TRIM2: variants seen among roughly 807,000 people sequenced by gnomAD.
TRIM2 encodes the protein tripartite motif containing 2.
TRIM2 carries 20 observed loss-of-function variants against 75.2 expected under a neutral mutation model. That is an observed-to-expected ratio of 0.27 (90% confidence interval 0.19 to 0.39). The LOEUF (loss-of-function observed/expected upper bound fraction) is 0.39, where lower values mean the gene tolerates loss of function less well. Ranked by LOEUF, TRIM2 falls within the 10% of genes least tolerant of loss-of-function variation. The probability of loss-of-function intolerance (pLI) is 1.00; values close to 1 mark genes in which losing one functional copy is unlikely to be tolerated. For synonymous variants in TRIM2, 373 were observed against 388.3 expected, an observed-to-expected ratio of 0.96 and a Z score of 0.46; for missense variants, 660 against 990.8, an observed-to-expected ratio of 0.67 and a Z score of 4.48.
At position 153,273,270 on chromosome 4, in the gene TRIM2, C is replaced by CTTTTTTTTTTTTTTTTTTTTTTTTTT. The variant is rs72414117; in HGVS notation, c.216-2600_216-2599insTTTTTTTTTTTTTTTTTTTTTTTTTT. Among the ~76,000 whole-genome samples, 7 of 57,388 alleles carry CTTTTTTTTTTTTTTTTTTTTTTTTTT rather than the reference C, an allele frequency of 1.2e-4. 1 individual carries two copies. The highest frequency in any genetic ancestry group is 2.1e-4 in the African/African-American group (3 of 14,306). The allele number at this position is 57,388 out of a possible 152,430, so 37.6% of individuals were successfully genotyped here. On this transcript the variant is annotated intron_variant, in intron 2 of 11. Coordinates refer to ENST00000338700, the MANE Select transcript of TRIM2 (RefSeq NM_015271.5). ...ACTCAGTGAGCACCTTACAGTCACT[C>CTTTTTTTTTTTTTTTTTTTTTTTTTT]TTTTTTTTTTTTTTTTTTTTTTTGA...
chr4:153,244,355 C>CTTCTTCTTCT lies in TRIM2; in HGVS notation c.31-25979_31-25978insTCTTCTTCTT, dbSNP rs1748079616. Among the ~76,000 whole-genome samples, 46 of 12,708 alleles carry CTTCTTCTTCT rather than the reference C, an allele frequency of 3.6e-3. 7 individuals are homozygous for CTTCTTCTTCT. Among genetic ancestry groups the CTTCTTCTTCT allele is most frequent in the Non-Finnish European group, 4.6e-3 (35 of 7,630 alleles). 8.3% of individuals were successfully genotyped at this position (12,708 alleles called of 152,430 possible). On this transcript the variant is annotated intron_variant, in intron 1 of 11. Transcript: ENST00000338700. ...CTTCTTCTTCTTCTTCTTCTTCTTCCTCTTCTTCTTCTTCTTCTTCTTCTT... is the reference window on the plus strand; with the variant it reads ...CTTCTTCTTCTTCTTCTTCTTCTTCCTTCTTCTTCTTCTTCTTCTTCTTCTTCTTCTTCTT...
chr4:153,191,374 C>A (rs146442287), intron 1 of TRIM2, among the ~76,000 whole-genome samples: 244 of 152,358 alleles, frequency 1.6e-3, no homozygotes, highest in African/African-American at 5.4e-3. Context: ...ACAAACACGG[C>A]CTTGGGGGCC....
At chr4:153,274,335 A>G (rs1027670053) in intron 2 of TRIM2, among the ~76,000 whole-genome samples, 1 of 152,326 alleles carries the variant, frequency 6.6e-6, no homozygotes, top group African/African-American at 2.4e-5. Context: ...TTGGATATGG[A>G]AAATGAAGGA....
intron 1 of TRIM2, among the ~76,000 whole-genome samples, chr4:153,258,413 A>C (rs545869181): frequency 2.8e-4 from 43 of 151,782 alleles, no homozygotes; most frequent in African/African-American, 9.2e-4. Context: ...AAAAAAAAAA[A>C]CCCTTGGGTT....
At chr4:153,154,546 T>A (rs555629991) in intron 1 of TRIM2, among the ~76,000 whole-genome samples, 4 of 152,274 alleles carry the variant, frequency 2.6e-5, no homozygotes, top group African/African-American at 9.6e-5. Context: ...CTGCGTGTCT[T>A]CCATCTCCCA....
At chr4:153,256,562 T>C in intron 1 of TRIM2, among the ~76,000 whole-genome samples, 1 of 152,244 alleles carries the variant, frequency 6.6e-6, no homozygotes, top group East Asian at 1.9e-4. Context: ...TCTAAATTAT[T>C]ATTTGTAATA....
intron 1 of TRIM2, among the ~76,000 whole-genome samples, chr4:153,256,268 C>G (rs1436203637): frequency 6.6e-6 from 1 of 152,224 alleles, no homozygotes; most frequent in Non-Finnish European, 1.5e-5. Flanking sequence ...GCTGTATTCT[C>G]TGTGATCCCC....
Position 153,311,357 on chromosome 4 carries a change from CT to C in TRIM2, c.1511-4124del, listed in dbSNP as rs2150221166. Among the ~76,000 whole-genome samples, 2 of 150,136 alleles carry C rather than the reference CT, an allele frequency of 1.3e-5. 1 individual carries two copies. Among genetic ancestry groups the C allele is most frequent in the South Asian group, 4.2e-4 (2 of 4,784 alleles). On this transcript the variant is annotated intron_variant, in intron 6 of 11. Transcript: ENST00000338700. ...AGCACTATTTTCTCTGTTTTTTTTT[CT>C]TTTCCTTTTATAAGCTGCTACTGTC...
intron 6 of TRIM2, among the ~76,000 whole-genome samples, chr4:153,300,242 C>T (rs1383353636): frequency 6.6e-6 from 1 of 152,150 alleles, no homozygotes; most frequent in Non-Finnish European, 1.5e-5. Context: ...TCTCTGCCAA[C>T]ACTTGATATC....
chr4:153,201,283 C>T (rs1734342467), upstream of TRIM2, among the ~76,000 whole-genome samples: 4 of 152,158 alleles, frequency 2.6e-5, no homozygotes, highest in South Asian at 8.3e-4. Flanking sequence ...TTTTGATTTG[C>T]ACTTCCCTAA....
chr4:153,333,488 G>C (rs1057131821), intron 11 of TRIM2, among the ~76,000 whole-genome samples: 2 of 152,124 alleles, frequency 1.3e-5, no homozygotes, highest in Non-Finnish European at 1.5e-5. Context: ...AATTATAGAA[G>C]ATGTGACCAT....
At chr4:153,263,892 C>T (rs1579114218) in intron 1 of TRIM2, among the ~76,000 whole-genome samples, 1 of 152,132 alleles carries the variant, frequency 6.6e-6, no homozygotes, top group African/African-American at 2.4e-5. Context: ...GCACTAATCC[C>T]ATCATAAGGG....
chr4:153,213,437 C>T (rs890975987), intron 1 of TRIM2, among the ~76,000 whole-genome samples: 3 of 152,136 alleles, frequency 2.0e-5, no homozygotes, highest in South Asian at 4.1e-4. Flanking sequence ...TAACATTTGT[C>T]GAATCGCTAA....
intron 1 of TRIM2, among the ~76,000 whole-genome samples, chr4:153,187,918 G>C (rs952327800): frequency 1.3e-5 from 2 of 152,106 alleles, no homozygotes; most frequent in Admixed American, 1.3e-4. Context: ...TATTATATCT[G>C]GTCCTATTAT....
chr4:153,244,375 C>A, intron 1 of TRIM2, among the ~76,000 whole-genome samples: 1 of 59,600 alleles, frequency 1.7e-5, no homozygotes, highest in African/African-American at 1.3e-4. Context: ...TCTTCTTCTT[C>A]TTCTTCTTCT....
At chr4:153,309,133 C>G (rs904008820) in intron 6 of TRIM2, among the ~76,000 whole-genome samples, 20 of 152,164 alleles carry the variant, frequency 1.3e-4, no homozygotes, top group African/African-American at 4.3e-4. Context: ...AATAAAGTAT[C>G]ATGTGTTAAA....
chr4:153,297,539 T>G lies in TRIM2; in HGVS notation c.1510+1503T>G, dbSNP rs114532207. Among the ~76,000 whole-genome samples, 1,068 of 152,336 alleles carry G rather than the reference T, an allele frequency of 7.0e-3. 15 individuals carry two copies. The highest frequency in any genetic ancestry group is 0.024 in the African/African-American group (1,008 of 41,570). On this transcript the variant is annotated intron_variant, in intron 6 of 11. Transcript: ENST00000338700. ...AGAGCTATTGTTTTTGTACATGTAATTGTTAAGGCTTTTAGATTATCCCTA... is the reference window on the plus strand; with the variant it reads ...AGAGCTATTGTTTTTGTACATGTAAGTGTTAAGGCTTTTAGATTATCCCTA...
At chr4:153,310,297 T>C (rs1007345655) in intron 6 of TRIM2, 1 of 152,220 alleles carries the variant, frequency 6.6e-6, no homozygotes, top group Admixed American at 6.5e-5. Context: ...GTGTTATTTA[T>C]ATTTGTTATG....
chr4:153,264,687 G>A (rs1177964873), intron 1 of TRIM2, among the ~76,000 whole-genome samples: 6 of 152,094 alleles, frequency 3.9e-5, no homozygotes, highest in African/African-American at 9.7e-5. Context: ...TGACATATTC[G>A]GACTGATTCA....
Sources: allele counts gnomAD v4.1 joint callset (sites outside exome capture counted in the v4.1 genomes callset), GRCh38; gene constraint gnomAD v4.1.1; transcripts MANE v1.5; gene names NCBI Gene and HGNC (gene_info 2026-07-23, HGNC 2026-07-21).